WIPF1: variants seen among roughly 807,000 people sequenced by gnomAD.
WIPF1 encodes the protein WAS/WASL interacting protein family member 1, also known as WAS/WASL-interacting protein family member 1.
WIPF1 carries 13 observed loss-of-function variants against 35.4 expected under a neutral mutation model. The ratio of observed to expected loss-of-function variants is 0.37; its 90% confidence interval spans 0.24 to 0.58. WIPF1 has a LOEUF of 0.58. Ranked by LOEUF, WIPF1 falls within the 20% of genes least tolerant of loss-of-function variation. The pLI is 0.74. For synonymous variants in WIPF1, 267 were observed against 266.3 expected (o/e 1.00, Z -0.02); for missense variants, 591 against 667.0 (o/e 0.89, Z 1.25).
chr2:174,571,402 G>A lies in WIPF1; in HGVS notation c.1129+274C>T. 1 of 610,498 alleles carries A rather than the reference G, an allele frequency of 1.6e-6. No individual in the cohort carries two copies. The highest frequency in any genetic ancestry group is 2.9e-6 in the Non-Finnish European group (1 of 344,200). The allele number at this position is 610,498 out of a possible 1,614,324, so 37.8% of individuals were successfully genotyped here. A position where few individuals can be genotyped will look rare whatever the true frequency, so the allele number is the denominator to read the frequency against. ...TACACTTCAGAGATGGAAGATGAAA[G>A]TTCTTGCCTCTTCTTTATTAACTAG... On this transcript the variant is annotated intron_variant, in intron 5 of 7. Coordinates refer to ENST00000679041, the MANE Select transcript of WIPF1 (RefSeq NM_001375834.1). The surrounding 1 kb of genome is among the most constrained non-coding windows in gnomAD (Gnocchi z 4.6).
At chr2:174,577,862 T>A (rs1685111033) in intron 3 of WIPF1, among the ~76,000 whole-genome samples, 1 of 151,032 alleles carries the variant, frequency 6.6e-6, no homozygotes, top group Non-Finnish European at 1.5e-5. Flanking sequence ...AAGGATGCAG[T>A]GAGCTGTGTT....
intron 1 of WIPF1, among the ~76,000 whole-genome samples, chr2:174,604,997 G>T (rs1014508443): frequency 2.6e-5 from 4 of 152,190 alleles, no homozygotes; most frequent in Non-Finnish European, 5.9e-5. Flanking sequence ...AGGTGTGTGG[G>T]GCTGAATTGG....
At chr2:174,599,219 G>A (rs1054747213), upstream of WIPF1, among the ~76,000 whole-genome samples, 1 of 152,170 alleles carries the variant, frequency 6.6e-6, no homozygotes. Context: ...GGGGGCAGGG[G>A]CCTGTAGCAT....
chr2:174,625,048 C>T (rs1210636477), intron 1 of WIPF1, among the ~76,000 whole-genome samples: 1 of 152,224 alleles, frequency 6.6e-6, no homozygotes, highest in Non-Finnish European at 1.5e-5. Context: ...GAACCCCTCA[C>T]TCAGGTCTCC....
chr2:174,564,914 T>TTTA (rs1684606668), intron 7 of WIPF1, among the ~76,000 whole-genome samples: 1 of 150,542 alleles, frequency 6.6e-6, no homozygotes. Flanking sequence ...TTTTTTTTTT[T>TTTA]GAGATGGAGT....
intron 1 of WIPF1, among the ~76,000 whole-genome samples, chr2:174,621,758 A>G (rs1296416913): frequency 1.3e-5 from 2 of 152,200 alleles, no homozygotes; most frequent in Non-Finnish European, 2.9e-5. Context: ...TTTCATACTA[A>G]GTATTTAAAA....
At position 174,585,546 on chromosome 2, in the gene WIPF1, G is replaced by T; in HGVS notation, c.28C>A (p.Pro10Thr). 1 of 1,612,928 alleles carries T rather than the reference G, an allele frequency of 6.2e-7. No homozygotes were observed. Among genetic ancestry groups the T allele is most frequent in the Non-Finnish European group, 8.5e-7 (1 of 1,179,590 alleles). MPVPPPPAP[P>T]PPPTFALANT... ...ACCAGTGCAAACGTCGGGGGCGGCGGGGGTGCTGGAGGGGGAGGGACAGGC... is the reference window on the plus strand; with the variant it reads ...ACCAGTGCAAACGTCGGGGGCGGCGTGGGTGCTGGAGGGGGAGGGACAGGC... The change falls in exon 2 of 8, where the codon CCG becomes ACG. Residue 10 changes from proline to threonine, a missense_variant. Coordinates refer to ENST00000679041, the MANE Select transcript of WIPF1 (RefSeq NM_001375834.1).
At chr2:174,671,823 G>A (rs1688025355) in intron 1 of WIPF1, among the ~76,000 whole-genome samples, 1 of 152,148 alleles carries the variant, frequency 6.6e-6, no homozygotes, top group East Asian at 1.9e-4. Flanking sequence ...CTCAAACCCT[G>A]TCTCCTGATG....
intron 1 of WIPF1, among the ~76,000 whole-genome samples, chr2:174,625,297 G>A (rs541943953): frequency 2.0e-5 from 3 of 152,294 alleles, no homozygotes; most frequent in South Asian, 4.1e-4. Flanking sequence ...CCCTCACTTC[G>A]AGGATTGGTT....
Position 174,630,240 on chromosome 2 carries a change from G to A in WIPF1, c.-38-44629C>T, listed in dbSNP as rs542226316. 19 of 152,270 alleles carry A rather than the reference G, an allele frequency of 1.2e-4. 1 individual carries two copies. The East Asian group carries it at 3.3e-3, about 26-fold the overall frequency. 9.4% of individuals were successfully genotyped at this position (152,270 alleles called of 1,614,324 possible). A position where few individuals can be genotyped will look rare whatever the true frequency, so the allele number is the denominator to read the frequency against. ...GTCATATTAAAATCTGGGCATGAAC[G>A]CAACTAGAAAGGAAGCCTAATTCAT... On this transcript the variant is annotated intron_variant, in intron 1 of 8. Coordinates refer to the WIPF1 transcript ENST00000272746.
chr2:174,575,911 A>G (rs904634137), intron 3 of WIPF1, among the ~76,000 whole-genome samples: 11 of 152,032 alleles, frequency 7.2e-5, no homozygotes, highest in African/African-American at 2.7e-4. Context: ...GAAGAAAGGA[A>G]AGAGTTAAAA....
At chr2:174,577,344 G>A (rs1012459350) in intron 3 of WIPF1, among the ~76,000 whole-genome samples, 2 of 152,068 alleles carry the variant, frequency 1.3e-5, no homozygotes, top group Non-Finnish European at 2.9e-5. Flanking sequence ...TTTTATATAA[G>A]TAATTACTTT....
At chr2:174,579,973 C>T (rs1410538154) in intron 3 of WIPF1, among the ~76,000 whole-genome samples, 3 of 150,698 alleles carry the variant, frequency 2.0e-5, no homozygotes, top group African/African-American at 7.3e-5. Context: ...TTTTTTGAGA[C>T]AGAGTCTTGC....
chr2:174,589,037 C>G (rs1489680195), intron 1 of WIPF1, among the ~76,000 whole-genome samples: 2 of 152,148 alleles, frequency 1.3e-5, no homozygotes, highest in Admixed American at 6.5e-5. Flanking sequence ...TGGGCACGGT[C>G]TGGACTTCTC....
intron 4 of WIPF1, chr2:174,574,991 T>G: frequency 1.3e-6 from 1 of 788,820 alleles, no homozygotes; most frequent in African/African-American, 1.7e-5. Context: ...CCAAAGACAC[T>G]GGGTGAAAAT....
chr2:174,679,504 T>C (rs1473586411), intron 1 of WIPF1, among the ~76,000 whole-genome samples: 3 of 151,766 alleles, frequency 2.0e-5, no homozygotes, highest in East Asian at 3.9e-4. Flanking sequence ...AAAGAATTTG[T>C]AAAAGACAGC....
chr2:174,663,731 C>G (rs1290475951), intron 1 of WIPF1, among the ~76,000 whole-genome samples: 1 of 152,232 alleles, frequency 6.6e-6, no homozygotes, highest in Non-Finnish European at 1.5e-5. Flanking sequence ...CCATTTACCA[C>G]CACCAAGCTC....
chr2:174,582,614 C>G (rs144961897), intron 2 of WIPF1, among the ~76,000 whole-genome samples: 233 of 152,282 alleles, frequency 1.5e-3, no homozygotes, highest in African/African-American at 5.4e-3. Flanking sequence ...TGGCTATTCA[C>G]AGGTGTGATC....
intron 1 of WIPF1, among the ~76,000 whole-genome samples, chr2:174,603,680 C>T (rs530991363): frequency 2.2e-4 from 33 of 152,300 alleles, no homozygotes; most frequent in African/African-American, 7.2e-4. Context: ...GGAAAAAATA[C>T]GGCTTTGTTA....
Sources: allele counts gnomAD v4.1 joint callset (sites outside exome capture counted in the v4.1 genomes callset), GRCh38; gene constraint gnomAD v4.1.1; non-coding constraint Gnocchi (gnomAD v3.1); transcripts MANE v1.5; gene names NCBI Gene and HGNC (gene_info 2026-07-23, HGNC 2026-07-21).